The following PLCB1 variants were observed in gnomAD, a reference collection of about 807,000 sequenced individuals.
PLCB1 encodes the protein phospholipase C beta 1.
In PLCB1, 46 loss-of-function variants were observed where a neutral mutation model predicts 161.8. That is an observed-to-expected ratio of 0.28 (90% CI 0.22 to 0.36). The LOEUF (loss-of-function observed/expected upper bound fraction) is 0.36. Among genes scored for constraint, PLCB1 ranks in the 10% least tolerant of loss-of-function variants. PLCB1 has a pLI of 1.00. For synonymous variants in PLCB1, 517 were observed against 503.7 expected (o/e 1.03, Z -0.35); for missense variants, 1,016 against 1,472.5 (o/e 0.69, Z 5.07).
rs73895788 is a variant in PLCB1, at chr20:8,318,590, G to A, written c.178-52792G>A. ...AATACCTTCCACATAGAAGATGCACGGAAAATGTTTGTTGAATGATTACCA... is the reference window on the plus strand; with the variant it reads ...AATACCTTCCACATAGAAGATGCACAGAAAATGTTTGTTGAATGATTACCA... On this transcript the variant is annotated intron_variant, in intron 2 of 31. Transcript: ENST00000338037. Among the ~76,000 whole-genome samples the A allele has an allele frequency of 1.1e-4, 16 of 152,190 alleles. No homozygotes were observed. In the South Asian group the frequency reaches 1.7e-3, roughly 16 times the overall value.
At chr20:8,754,837 A>G (rs535256883) in intron 23 of PLCB1, among the ~76,000 whole-genome samples, 2 of 152,224 alleles carry the variant, frequency 1.3e-5, no homozygotes, top group African/African-American at 4.8e-5. Flanking sequence ...TGGTTGAGCC[A>G]AAGAAAATGC....
chr20:8,154,141 A>G (rs1348721246), intron 2 of PLCB1, among the ~76,000 whole-genome samples: 2 of 152,168 alleles, frequency 1.3e-5, no homozygotes, highest in African/African-American at 2.4e-5. Flanking sequence ...ATACTAAGTC[A>G]CATCATATTA....
At chr20:8,543,238 G>A (rs916428915) in intron 3 of PLCB1, among the ~76,000 whole-genome samples, 14 of 152,144 alleles carry the variant, frequency 9.2e-5, no homozygotes, top group Non-Finnish European at 1.8e-4. Context: ...AGTTTGGGGA[G>A]CTTAATGGGA....
chr20:8,425,130 G>GTTTTTT (rs10629165), intron 3 of PLCB1, among the ~76,000 whole-genome samples: 1 of 140,488 alleles, frequency 7.1e-6, no homozygotes, highest in Non-Finnish European at 1.5e-5. Flanking sequence ...ATTCTGAGGT[G>GTTTTTT]TTTTTTTTTT....
In PLCB1 at chr20:8,491,641, G is replaced by A. The variant is rs115776839; in HGVS notation, c.246+120191G>A. On this transcript the variant is annotated intron_variant, in intron 3 of 31. Coordinates refer to ENST00000338037, the MANE Select transcript of PLCB1 (RefSeq NM_015192.4). Reference sequence around the variant, plus strand: ...CAGTACTCAAGTGAATACTCACTGGGATCCTGTACAGATCTTCAGAGTTAT... The same window carrying A: ...CAGTACTCAAGTGAATACTCACTGGAATCCTGTACAGATCTTCAGAGTTAT... Among the ~76,000 whole-genome samples the A allele has an allele frequency of 6.9e-3, 1,049 of 152,252 alleles. 15 individuals carry two copies. The highest frequency in any genetic ancestry group is 0.024 in the African/African-American group (1,006 of 41,560).
chr20:8,514,856 T>C (rs369761528), intron 3 of PLCB1, among the ~76,000 whole-genome samples: 14 of 152,330 alleles, frequency 9.2e-5, no homozygotes, highest in African/African-American at 3.4e-4. Context: ...TCTGAAACTT[T>C]AATAGTCATA....
rs1010986733 is a variant in PLCB1 at position 8,501,913 on chromosome 20, A to G, written c.247-126381A>G. On this transcript the variant is annotated intron_variant, in intron 3 of 31. Transcript: ENST00000338037. ...TATATATATATATATATATATATAT[A>G]TATGACTTTTTCTTGCTTGTATTAT... 2.3e-3 allele frequency among the ~76,000 whole-genome samples: 172 copies of G among 73,632 alleles called. 2 individuals carry two copies. The highest frequency in any genetic ancestry group is 9.5e-3 in the African/African-American group (169 of 17,754). The allele number at this position is 73,632 out of a possible 152,430, so 48.3% of individuals were successfully genotyped here.
chr20:8,288,989 C>T (rs1232733151), intron 2 of PLCB1, among the ~76,000 whole-genome samples: 1 of 151,904 alleles, frequency 6.6e-6, no homozygotes, highest in African/African-American at 2.4e-5. Flanking sequence ...AGTTAGGTAC[C>T]GGGGACACAA....
At chr20:8,414,642 T>C (rs1299108598) in intron 3 of PLCB1, among the ~76,000 whole-genome samples, 1 of 152,222 alleles carries the variant, frequency 6.6e-6, no homozygotes, top group African/African-American at 2.4e-5. Context: ...TGATGTTTAA[T>C]CTAATATTCT....
At chr20:8,282,421 G>C (rs1055134464) in intron 2 of PLCB1, among the ~76,000 whole-genome samples, 1 of 152,130 alleles carries the variant, frequency 6.6e-6, no homozygotes, top group Non-Finnish European at 1.5e-5. Flanking sequence ...CAGATTTTAA[G>C]TCATCTGACA....
intron 3 of PLCB1, among the ~76,000 whole-genome samples, chr20:8,409,790 A>T (rs1290804276): frequency 6.6e-6 from 1 of 152,092 alleles, no homozygotes; most frequent in Non-Finnish European, 1.5e-5. Context: ...AAGAGTGGGG[A>T]TCAATAATAG....
At chr20:8,828,429 G>A (rs1043813953) in intron 31 of PLCB1, among the ~76,000 whole-genome samples, 2 of 152,124 alleles carry the variant, frequency 1.3e-5, no homozygotes, top group Non-Finnish European at 2.9e-5. Flanking sequence ...TCTCTTAGGC[G>A]AATGCCTAAG....
intron 2 of PLCB1, among the ~76,000 whole-genome samples, chr20:8,245,347 A>G (rs973055209): frequency 2.0e-5 from 3 of 151,886 alleles, no homozygotes; most frequent in Non-Finnish European, 4.4e-5. Context: ...TTCATAGATA[A>G]GTACAGCTTT....
chr20:8,729,425 T>C (rs1980113763), intron 18 of PLCB1: 1 of 277,892 alleles, frequency 3.6e-6, no homozygotes, highest in Non-Finnish European at 6.6e-6. Context: ...AAAATTTTTA[T>C]GCTTTTTAAG....
At chr20:8,514,133 A>G (rs564380527) in intron 3 of PLCB1, among the ~76,000 whole-genome samples, 110 of 152,234 alleles carry the variant, frequency 7.2e-4, no homozygotes, top group Non-Finnish European at 1.3e-3. Context: ...GCTTGATCCC[A>G]GGAGTTTGAA....
chr20:8,391,816 T>TAC (rs1987609970), intron 3 of PLCB1, among the ~76,000 whole-genome samples: 5 of 134,112 alleles, frequency 3.7e-5, no homozygotes, highest in South Asian at 2.3e-4. Flanking sequence ...TATATATATA[T>TAC]ATATATATAC....
chr20:8,464,868 GCC>G (rs1981746879), intron 3 of PLCB1, among the ~76,000 whole-genome samples: 1 of 152,022 alleles, frequency 6.6e-6, no homozygotes, highest in African/African-American at 2.4e-5. Flanking sequence ...ACTCCCCTCA[GCC>G]CTCAGCTGGG....
At position 8,720,847 on chromosome 20, in the gene PLCB1, T is replaced by C. The variant is rs1333888631; in HGVS notation, c.1514-1507T>C. 6.1e-5 allele frequency among the ~76,000 whole-genome samples: 3 copies of C among 48,928 alleles called. No individual in the cohort carries two copies. In the East Asian group the frequency reaches 7.1e-4, roughly 12 times the overall value. The allele number at this position is 48,928 out of a possible 152,430, so 32.1% of individuals were successfully genotyped here. A position where few individuals can be genotyped will look rare whatever the true frequency, so the allele number is the denominator to read the frequency against. On this transcript the variant is annotated intron_variant, in intron 14 of 31. Coordinates refer to ENST00000338037, the MANE Select transcript of PLCB1 (RefSeq NM_015192.4). ...TTAATTAAAAGAATCCCCTCTCTGA[T>C]TTTTTTTTTTTAAAAAAAAAAGGTA...
In PLCB1 at chr20:8,681,988, G is replaced by A. The variant is rs533282205; in HGVS notation, c.863-2944G>A. Among the ~76,000 whole-genome samples the A allele has an allele frequency of 5.4e-4, 82 of 152,200 alleles. 1 individual carries two copies. Among genetic ancestry groups the A allele is most frequent in the African/African-American group, 1.8e-3 (75 of 41,532 alleles). ...ATACATGCACATTCAGCTTTTAAAG[G>A]TGCTCGTGCCTGGGTTTCAAGGGGT... On this transcript the variant is annotated intron_variant, in intron 9 of 31. Coordinates refer to ENST00000338037, the MANE Select transcript of PLCB1 (RefSeq NM_015192.4).
Sources: allele counts gnomAD v4.1 joint callset (sites outside exome capture counted in the v4.1 genomes callset), GRCh38; gene constraint gnomAD v4.1.1; transcripts MANE v1.5; gene names NCBI Gene and HGNC (gene_info 2026-07-23, HGNC 2026-07-21).